Variants in TRIO observed in about 807,000 individuals in gnomAD.
TRIO encodes triple functional domain protein.
TRIO carries 58 observed loss-of-function variants against 351.9 expected under a neutral mutation model. That is an observed-to-expected ratio of 0.16 (90% CI 0.13 to 0.21). The LOEUF (loss-of-function observed/expected upper bound fraction) is 0.21. TRIO is among the 10% of genes least tolerant of loss of function. TRIO has a pLI of 1.00. For missense variants in TRIO, 3,201 were observed against 4,027.8 expected (o/e 0.79, Z 5.56); for synonymous variants, 1,758 against 1,595.7 (o/e 1.10, Z -2.42).
At chr5:14,506,045 C>T (rs974661128) in intron 55 of TRIO, among the ~76,000 whole-genome samples, 20 of 152,080 alleles carry the variant, frequency 1.3e-4, no homozygotes, top group African/African-American at 4.1e-4. Context: ...GTGGAAGAGC[C>T]GAGCCGACAT....
intron 8 of TRIO, 87 bp downstream of exon 8, chr5:14,304,679 T>C: frequency 1.4e-6 from 2 of 1,453,324 alleles, no homozygotes; most frequent in Middle Eastern, 1.8e-4. Context: ...AAGTTTTGGG[T>C]AGCCCAGAAA....
At chr5:14,313,184 A>G (rs2152303179) in intron 8 of TRIO, among the ~76,000 whole-genome samples, 1 of 152,338 alleles carries the variant, frequency 6.6e-6, no homozygotes, top group East Asian at 1.9e-4. Context: ...AGTAAATGAC[A>G]GTACCAGTGG....
chr5:14,479,848 A>G lies in TRIO; in HGVS notation c.6244-71A>G, dbSNP rs965888032. 3 of 1,395,384 alleles carry G rather than the reference A, an allele frequency of 2.1e-6. No individual in the cohort carries two copies. In the African/African-American group the frequency reaches 4.3e-5, roughly 20 times the overall value. 86.4% of individuals were successfully genotyped at this position (1,395,384 alleles called of 1,614,324 possible). ...CTGCCAGTGTTGTAGTCTTTCTGAC[A>G]ATTACAAAGACTAAAAAATTGCCCT... On this transcript the variant is annotated intron_variant, in intron 42 of 56. Coordinates refer to ENST00000344204, the MANE Select transcript of TRIO (RefSeq NM_007118.4).
intron 8 of TRIO, among the ~76,000 whole-genome samples, chr5:14,306,751 G>A (rs1738409641): frequency 6.6e-6 from 1 of 152,124 alleles, no homozygotes; most frequent in South Asian, 2.1e-4. Flanking sequence ...TCATCCTCCA[G>A]CCAAGCTGGC....
chr5:14,298,160 A>C (rs1737527135), intron 7 of TRIO, among the ~76,000 whole-genome samples: 1 of 152,178 alleles, frequency 6.6e-6, no homozygotes, highest in South Asian at 2.1e-4. Flanking sequence ...CTTTGGCTTC[A>C]TTTGTTGACA....
intron 1 of TRIO, among the ~76,000 whole-genome samples, chr5:14,186,797 C>T (rs557064029): frequency 9.9e-5 from 15 of 152,118 alleles, no homozygotes; most frequent in East Asian, 7.7e-4. Flanking sequence ...AGGCTGGTCT[C>T]GTACTCCTGA....
At chr5:14,257,874 A>C (rs1420945440) in intron 1 of TRIO, among the ~76,000 whole-genome samples, 1 of 152,242 alleles carries the variant, frequency 6.6e-6, no homozygotes, top group East Asian at 1.9e-4. Flanking sequence ...TATTTAAAGC[A>C]CTTACCAAAC....
At chr5:14,448,433 G>T (rs944989680) in intron 34 of TRIO, among the ~76,000 whole-genome samples, 9 of 152,350 alleles carry the variant, frequency 5.9e-5, no homozygotes, top group African/African-American at 2.2e-4. Context: ...AGGCCTAGAC[G>T]TGGCCTTATG....
intron 5 of TRIO, among the ~76,000 whole-genome samples, 182 bp downstream of exon 5, chr5:14,291,410 C>CAAT (rs1736891277): frequency 6.6e-6 from 1 of 151,750 alleles, no homozygotes; most frequent in African/African-American, 2.4e-5. Flanking sequence ...ACTCGTTGTG[C>CAAT]AATACAGTGC....
At chr5:14,145,836 C>A (rs538315780) in intron 1 of TRIO, among the ~76,000 whole-genome samples, 3 of 152,190 alleles carry the variant, frequency 2.0e-5, no homozygotes, top group Non-Finnish European at 4.4e-5. Flanking sequence ...CAGGAGTTGT[C>A]GTCTGCTCTT....
chr5:14,238,567 G>C (rs371569460), intron 1 of TRIO, among the ~76,000 whole-genome samples: 188 of 152,308 alleles, frequency 1.2e-3, no homozygotes, highest in African/African-American at 4.4e-3. Context: ...TAAGGGGTAT[G>C]AATCTTTCTT....
At chr5:14,153,142 A>G (rs529483477) in intron 1 of TRIO, among the ~76,000 whole-genome samples, 1 of 152,338 alleles carries the variant, frequency 6.6e-6, no homozygotes, top group East Asian at 1.9e-4. Flanking sequence ...GTGGAATCAC[A>G]CAGATTTTCG....
intron 1 of TRIO, among the ~76,000 whole-genome samples, chr5:14,242,916 C>T (rs533322294): frequency 6.6e-6 from 1 of 152,312 alleles, no homozygotes; most frequent in East Asian, 1.9e-4. Context: ...TTCTCTAAAT[C>T]CCTCTCTACT....
At chr5:14,380,544 A>G (rs574334461) in intron 20 of TRIO, among the ~76,000 whole-genome samples, 8 of 152,248 alleles carry the variant, frequency 5.3e-5, no homozygotes, top group African/African-American at 1.9e-4. Context: ...AAAGGCTCAT[A>G]GTAGTGGTTT....
intron 33 of TRIO, among the ~76,000 whole-genome samples, chr5:14,416,055 T>C (rs988986022): frequency 5.9e-5 from 9 of 151,624 alleles, no homozygotes; most frequent in African/African-American, 1.9e-4. Context: ...ACGAAGATAC[T>C]GTGAGAACTT....
At chr5:14,448,179 T>G (rs1481587854) in intron 34 of TRIO, among the ~76,000 whole-genome samples, 1 of 152,266 alleles carries the variant, frequency 6.6e-6, no homozygotes, top group African/African-American at 2.4e-5. Flanking sequence ...TCTTGGGTAA[T>G]TTTGTGAAAA....
Position 14,488,064 on chromosome 5 carries a change from T to A in TRIO, c.7436T>A (p.Leu2479Gln). The A allele has an allele frequency of 1.2e-6, 2 of 1,609,316 alleles. No homozygotes were observed. The highest frequency in any genetic ancestry group is 1.7e-6 in the Non-Finnish European group (2 of 1,178,776). ...GKEPFPPSSP[L>Q]QKGGSFWSSI... Reference sequence around the variant, plus strand: ...GAGCCCTTCCCCCCCAGCAGCCCCCTGCAGAAGGGGGGCTCCTTCTGGAGC... The same window carrying A: ...GAGCCCTTCCCCCCCAGCAGCCCCCAGCAGAAGGGGGGCTCCTTCTGGAGC... Residue 2479 changes from leucine (L) to glutamine (Q), a missense_variant, in exon 48 of 57, where the codon CTG becomes CAG. Physicochemically the swap from Leu to Gln is moderately radical, Grantham distance 113 (BLOSUM62 -2). Around this residue, in one of 19 missense-constraint regions of TRIO, gnomAD observed 1,089 missense variants for 954.9 expected, o/e 1.14. Coordinates refer to ENST00000344204, the MANE Select transcript of TRIO (RefSeq NM_007118.4).
chr5:14,433,819 G>A (rs572947440), intron 34 of TRIO, among the ~76,000 whole-genome samples: 24 of 152,156 alleles, frequency 1.6e-4, no homozygotes, highest in African/African-American at 5.8e-4. Context: ...TATATATCCA[G>A]TATTTTGATT....
At chr5:14,381,695 T>C (rs887448831) in intron 21 of TRIO, among the ~76,000 whole-genome samples, 1 of 152,256 alleles carries the variant, frequency 6.6e-6, no homozygotes. Flanking sequence ...GTCGTGTTGC[T>C]CACGCTCAGT....
Sources: allele counts gnomAD v4.1 joint callset (sites outside exome capture counted in the v4.1 genomes callset), GRCh38; gene constraint gnomAD v4.1.1; regional missense constraint gnomAD v4.1.1; transcripts MANE v1.5; gene names NCBI Gene and HGNC (gene_info 2026-07-23, HGNC 2026-07-21).